CAPZA1: variants seen among roughly 807,000 people sequenced by gnomAD.
The protein encoded by CAPZA1 is capping actin protein of muscle Z-line subunit alpha 1, also known as F-actin-capping protein subunit alpha-1.
CAPZA1 carries 10 observed loss-of-function variants against 40.8 expected under a neutral mutation model. That is an observed-to-expected ratio of 0.25 (90% CI 0.15 to 0.42). The LOEUF (loss-of-function observed/expected upper bound fraction) is 0.42. Among genes scored for constraint, CAPZA1 ranks in the 10% least tolerant of loss-of-function variants. The pLI is 1.00. For synonymous variants in CAPZA1, 98 were observed against 115.0 expected (o/e 0.85, Z 0.95); for missense variants, 277 against 353.8 (o/e 0.78, Z 1.74).
At chr1:112,634,240 T>C (rs1260234858) in intron 1 of CAPZA1, among the ~76,000 whole-genome samples, 1 of 152,202 alleles carries the variant, frequency 6.6e-6, no homozygotes, top group Admixed American at 6.5e-5. Context: ...TGAATACTTT[T>C]GGAATGGGTT....
chr1:112,665,674 G>C (rs1671711505), intron 7 of CAPZA1, among the ~76,000 whole-genome samples: 1 of 152,154 alleles, frequency 6.6e-6, no homozygotes, highest in South Asian at 2.1e-4. Flanking sequence ...GGTGAACACT[G>C]TCCTCATGAG....
Position 112,654,601 on chromosome 1 carries a change from C to A in CAPZA1, c.356C>A (p.Ser119Tyr), listed in dbSNP as rs1439107417. Residue 119 changes from serine to tyrosine, a missense_variant, in exon 5 of 10, where the codon TCT (serine) becomes TAT (tyrosine). Physicochemically the swap from Ser to Tyr is moderately radical, Grantham distance 144 (BLOSUM62 -2). Coordinates refer to ENST00000263168, the MANE Select transcript of CAPZA1 (RefSeq NM_006135.3). ...GAAGAAGCAGATGGAGGTCTGAAGT[C>A]TTGGAGAGAATCCTGTGACAGTGCT... ...QPEEADGGLK[S>Y]WRESCDSALR... The A allele has an allele frequency of 6.2e-7, 1 of 1,613,932 alleles. No individual in the cohort carries two copies. Among genetic ancestry groups the A allele is most frequent in the East Asian group, 2.2e-5 (1 of 44,862 alleles).
intron 1 of CAPZA1, among the ~76,000 whole-genome samples, chr1:112,628,711 G>C (rs1042808904): frequency 1.3e-5 from 2 of 152,172 alleles, no homozygotes; most frequent in African/African-American, 2.4e-5. Flanking sequence ...CTGGTTATGT[G>C]TCAAAATTTT....
chr1:112,629,320 T>A (rs1490959306), intron 1 of CAPZA1, among the ~76,000 whole-genome samples: 2 of 152,244 alleles, frequency 1.3e-5, no homozygotes, highest in Non-Finnish European at 2.9e-5. Flanking sequence ...TTTCTCTGGT[T>A]ATTCTGTCCA....
intron 1 of CAPZA1, among the ~76,000 whole-genome samples, chr1:112,642,779 A>G (rs1671198834): frequency 1.3e-5 from 2 of 152,174 alleles, no homozygotes; most frequent in South Asian, 4.1e-4. Flanking sequence ...TACCAATTCC[A>G]TCAGATTTTG....
chr1:112,641,743 G>T (rs1475643283), intron 1 of CAPZA1, among the ~76,000 whole-genome samples: 1 of 151,906 alleles, frequency 6.6e-6, no homozygotes, highest in African/African-American at 2.4e-5. Flanking sequence ...ACAAAAATTA[G>T]CGGGGCCTTA....
In CAPZA1 at chr1:112,670,368, T is replaced by C. The variant is rs1325545472; in HGVS notation, c.*236T>C. ...TACGTGTAAATCTTTTTTTCTTTTT[T>C]TTTTTTTTTTTTTGGTTAATTCTGC... On this transcript the variant is annotated 3_prime_UTR_variant, in exon 10 of 10. Coordinates refer to ENST00000263168, the MANE Select transcript of CAPZA1 (RefSeq NM_006135.3). The C allele has an allele frequency of 7.1e-4, 289 of 408,082 alleles. No individual in the cohort carries two copies. The highest frequency in any genetic ancestry group is 6.7e-3 in the East Asian group (143 of 21,304). The allele number at this position is 408,082 out of a possible 1,614,324, so 25.3% of individuals were successfully genotyped here.
Position 112,670,366 on chromosome 1 carries a change from T to TTTTTC in CAPZA1, c.*238_*239insCTTTT, listed in dbSNP as rs1671806099. ...TCTACGTGTAAATCTTTTTTTCTTTTTTTTTTTTTTTTTTTGGTTAATTCT... is the reference window on the plus strand; with the variant it reads ...TCTACGTGTAAATCTTTTTTTCTTTTTTTTCTTTTTTTTTTTTTTTGGTTAATTCT... On this transcript the variant is annotated 3_prime_UTR_variant, in exon 10 of 10. Coordinates refer to ENST00000263168, the MANE Select transcript of CAPZA1 (RefSeq NM_006135.3). 2 of 385,834 alleles carry TTTTTC rather than the reference T, an allele frequency of 5.2e-6. No homozygotes were observed. Among genetic ancestry groups the TTTTTC allele is most frequent in the Admixed American group, 4.5e-5 (1 of 22,282 alleles). The allele number at this position is 385,834 out of a possible 1,614,324, so 23.9% of individuals were successfully genotyped here.
intron 2 of CAPZA1, among the ~76,000 whole-genome samples, chr1:112,648,902 G>A (rs534006514): frequency 6.6e-6 from 1 of 151,986 alleles, no homozygotes; most frequent in African/African-American, 2.4e-5. Flanking sequence ...AGCGGAGGTT[G>A]GAATGACCCA....
In CAPZA1 at chr1:112,654,464, G is replaced by A; in HGVS notation, c.220-1G>A. On this transcript the variant is annotated splice_acceptor_variant, in intron 4 of 9. Transcript: ENST00000263168. LOFTEE classifies it high-confidence loss of function. ...TCATATGTTTAATGATTCTTTGGAA[G>A]GTCTTAATTACAGAGCACGGTGACC... 6.3e-7 allele frequency: 1 copy of A among 1,595,356 alleles called. No individual in the cohort carries two copies. The highest frequency in any genetic ancestry group is 8.6e-7 in the Non-Finnish European group (1 of 1,166,974).
chr1:112,661,379 G>A (rs1442098617), intron 7 of CAPZA1, among the ~76,000 whole-genome samples: 2 of 152,066 alleles, frequency 1.3e-5, no homozygotes, highest in African/African-American at 2.4e-5. Flanking sequence ...TTAGTCTTCC[G>A]GAGCCCAATA....
rs563238849 is a variant in CAPZA1 at position 112,636,982 on chromosome 1, A to T, written c.40-10228A>T. Among the ~76,000 whole-genome samples, 3 of 152,348 alleles carry T rather than the reference A, an allele frequency of 2.0e-5. No homozygotes were observed. The East Asian group carries it at 5.8e-4, about 29-fold the overall frequency. Reference sequence around the variant, plus strand: ...ACTTTGTAACAACTGCATCTTTCACAAGCATAGCTTTGACTCAATTCTTGG... The same window carrying T: ...ACTTTGTAACAACTGCATCTTTCACTAGCATAGCTTTGACTCAATTCTTGG... On this transcript the variant is annotated intron_variant, in intron 1 of 9. Coordinates refer to ENST00000263168, the MANE Select transcript of CAPZA1 (RefSeq NM_006135.3).
chr1:112,639,329 C>T (rs925613176), intron 1 of CAPZA1, among the ~76,000 whole-genome samples: 2 of 152,110 alleles, frequency 1.3e-5, no homozygotes, highest in African/African-American at 2.4e-5. Flanking sequence ...GATATTTCTC[C>T]TGTTCTTGAT....
chr1:112,658,270 A>T (rs1358004871), intron 5 of CAPZA1, among the ~76,000 whole-genome samples: 1 of 152,058 alleles, frequency 6.6e-6, no homozygotes, highest in Non-Finnish European at 1.5e-5. Context: ...CTAACTAGAC[A>T]TCTCCATCTG....
Position 112,659,735 on chromosome 1 carries a change from A to T in CAPZA1, c.541A>T (p.Ile181Phe). Residue 181 changes from isoleucine (I) to phenylalanine (F), a missense_variant, in exon 7 of 10, where the codon ATC becomes TTC. By Grantham distance (21) the Ile-to-Phe change is conservative. Transcript: ENST00000263168. ...TTGGAGATCAGAGTGGAAGTTCACC[A>T]TCACACCACCTACAGCCCAGGTGGT... ...GRWRSEWKFT[I>F]TPPTAQVVGV... 6.2e-7 allele frequency: 1 copy of T among 1,613,830 alleles called. No individual in the cohort carries two copies. Among genetic ancestry groups the T allele is most frequent in the Non-Finnish European group, 8.5e-7 (1 of 1,179,968 alleles).
chr1:112,635,271 G>A (rs772312170), intron 1 of CAPZA1, among the ~76,000 whole-genome samples: 1 of 152,156 alleles, frequency 6.6e-6, no homozygotes, highest in Non-Finnish European at 1.5e-5. Flanking sequence ...AGGAGAGTAT[G>A]AGTCAAGGCC....
In CAPZA1 at chr1:112,670,741, C is replaced by A. The variant is rs1031347486; in HGVS notation, c.*609C>A. The A allele has an allele frequency of 1.3e-5, 2 of 152,648 alleles. No individual in the cohort carries two copies. The highest frequency in any genetic ancestry group is 2.9e-5 in the Non-Finnish European group (2 of 68,048). 9.5% of individuals were successfully genotyped at this position (152,648 alleles called of 1,614,324 possible). A position where few individuals can be genotyped will look rare whatever the true frequency, so the allele number is the denominator to read the frequency against. On this transcript the variant is annotated 3_prime_UTR_variant, in exon 10 of 10. Transcript: ENST00000263168. ...AGGAAGTGCCAGCTTCTCTGGGGAA[C>A]TTGTTTTTAAATCCAAAGACTTGAA... is the stretch of plus-strand genomic sequence containing the variant.
At chr1:112,664,167 G>A (rs1373288615) in intron 7 of CAPZA1, among the ~76,000 whole-genome samples, 2 of 151,140 alleles carry the variant, frequency 1.3e-5, no homozygotes, top group African/African-American at 4.9e-5. Context: ...AGGAGGCAGA[G>A]GTTGCAGTGA....
chr1:112,670,362 C>A lies in CAPZA1; in HGVS notation c.*230C>A. On this transcript the variant is annotated 3_prime_UTR_variant, in exon 10 of 10. Transcript: ENST00000263168. The stretch of plus-strand genomic sequence containing the variant: ...TATATCTACGTGTAAATCTTTTTTT[C>A]TTTTTTTTTTTTTTTTTTTGGTTAA... 3 of 145,644 alleles carry A rather than the reference C, an allele frequency of 2.1e-5. No individual in the cohort carries two copies. The highest frequency in any genetic ancestry group is 1.9e-4 in the East Asian group (1 of 5,296). 9.0% of individuals were successfully genotyped at this position (145,644 alleles called of 1,614,324 possible).
Sources: allele counts gnomAD v4.1 joint callset (sites outside exome capture counted in the v4.1 genomes callset), GRCh38; gene constraint gnomAD v4.1.1; transcripts MANE v1.5; gene names NCBI Gene and HGNC (gene_info 2026-07-23, HGNC 2026-07-21).